The following SPAG16 variants were observed in gnomAD, a reference collection of about 807,000 sequenced individuals.
SPAG16 encodes sperm associated antigen 16.
In SPAG16, 86 loss-of-function variants were observed where a neutral mutation model predicts 80.4. That is an observed-to-expected ratio of 1.07 (90% CI 0.90 to 1.28). The LOEUF (loss-of-function observed/expected upper bound fraction) is 1.28. SPAG16 is among the 50% of genes most tolerant of loss of function. The pLI is 0.00. For missense variants in SPAG16, 870 were observed against 765.3 expected (o/e 1.14, Z -1.61); for synonymous variants, 294 against 265.9 (o/e 1.11, Z -1.03).
At chr2:213,312,765 A>T (rs1390986078) in intron 4 of SPAG16, among the ~76,000 whole-genome samples, 1 of 151,780 alleles carries the variant, frequency 6.6e-6, no homozygotes, top group Non-Finnish European at 1.5e-5. Flanking sequence ...AATTAAGAGT[A>T]TATTTCATTA....
In SPAG16 at chr2:213,677,916, G is replaced by A. The variant is rs559097666; in HGVS notation, c.1071-184569G>A. On this transcript the variant is annotated intron_variant, in intron 10 of 15. Transcript: ENST00000331683. ...AAAAGAACAGAAATTATAACAAACTGTCTCTCAGACCACAGTGCAATCAAA... is the reference window on the plus strand; with the variant it reads ...AAAAGAACAGAAATTATAACAAACTATCTCTCAGACCACAGTGCAATCAAA... 8.6e-3 allele frequency among the ~76,000 whole-genome samples: 1,299 copies of A among 151,904 alleles called. 9 individuals carry two copies. Among genetic ancestry groups the A allele is most frequent in the African/African-American group, 0.029 (1,185 of 41,382 alleles).
intron 14 of SPAG16, among the ~76,000 whole-genome samples, chr2:214,146,213 T>G (rs1336287892): frequency 6.6e-6 from 1 of 152,212 alleles, no homozygotes; most frequent in Admixed American, 6.5e-5. Context: ...TGTCAACTAA[T>G]CTCCTTCCCA....
chr2:214,166,962 C>T (rs1217743480), intron 15 of SPAG16, among the ~76,000 whole-genome samples: 45 of 152,144 alleles, frequency 3.0e-4, no homozygotes, highest in Non-Finnish European at 5.9e-5. Context: ...GGACCTCCCA[C>T]ATCTAACACT....
intron 10 of SPAG16, among the ~76,000 whole-genome samples, chr2:213,573,361 A>C (rs547996443): frequency 1.3e-5 from 2 of 152,346 alleles, no homozygotes; most frequent in Admixed American, 6.5e-5. Context: ...TCTCTGTGAT[A>C]ATTTTTGACA....
chr2:213,555,336 T>C (rs745569114), intron 10 of SPAG16, among the ~76,000 whole-genome samples: 3 of 152,140 alleles, frequency 2.0e-5, no homozygotes, highest in Admixed American at 6.6e-5. Flanking sequence ...AATTGGATCA[T>C]GGGGGCAGCT....
At chr2:213,379,167 C>G (rs980850763) in intron 9 of SPAG16, among the ~76,000 whole-genome samples, 1 of 152,168 alleles carries the variant, frequency 6.6e-6, no homozygotes. Context: ...GAACAGGAAG[C>G]AAGAATTTTG....
At chr2:214,299,495 G>C (rs573384495) in intron 15 of SPAG16, among the ~76,000 whole-genome samples, 1 of 151,974 alleles carries the variant, frequency 6.6e-6, no homozygotes, top group African/African-American at 2.4e-5. Context: ...TCATTCGCCT[G>C]CTTCAGCCTC....
At chr2:213,506,197 C>T (rs1272447339) in intron 10 of SPAG16, among the ~76,000 whole-genome samples, 1 of 151,900 alleles carries the variant, frequency 6.6e-6, no homozygotes, top group Admixed American at 6.6e-5. Flanking sequence ...GAAATAAGGA[C>T]AATAGATGAG....
chr2:213,500,860 C>T (rs111862599), intron 10 of SPAG16, among the ~76,000 whole-genome samples: 108 of 152,348 alleles, frequency 7.1e-4, no homozygotes, highest in Middle Eastern at 3.4e-3. Flanking sequence ...AGTGTCCAAA[C>T]AGCTCTAGCC....
intron 10 of SPAG16, among the ~76,000 whole-genome samples, chr2:213,547,986 T>C (rs929522376): frequency 6.6e-6 from 1 of 152,196 alleles, no homozygotes; most frequent in East Asian, 1.9e-4. Context: ...TTGGTACATA[T>C]CAGCCTTTTG....
In SPAG16 at chr2:213,550,308, C is replaced by T. The variant is rs146621498; in HGVS notation, c.1070+60218C>T. Among the ~76,000 whole-genome samples, 214 of 151,668 alleles carry T rather than the reference C, an allele frequency of 1.4e-3. 2 individuals are homozygous for T. Among genetic ancestry groups the T allele is most frequent in the African/African-American group, 4.6e-3 (190 of 41,394 alleles). Reference sequence around the variant, plus strand: ...TTCTATGGTTATTTATATTCAAAGTCCTAGTCTTCTTTCTATTATAGTCTG... The same window carrying T: ...TTCTATGGTTATTTATATTCAAAGTTCTAGTCTTCTTTCTATTATAGTCTG... On this transcript the variant is annotated intron_variant, in intron 10 of 15. Coordinates refer to ENST00000331683, the MANE Select transcript of SPAG16 (RefSeq NM_024532.5).
chr2:213,353,915 A>C (rs964272068), intron 7 of SPAG16, among the ~76,000 whole-genome samples: 1 of 152,100 alleles, frequency 6.6e-6, no homozygotes, highest in Admixed American at 6.5e-5. Flanking sequence ...TTATACTTTA[A>C]GTTCTAGGGT....
chr2:213,712,600 A>C (rs543939172), intron 10 of SPAG16, among the ~76,000 whole-genome samples: 1 of 152,230 alleles, frequency 6.6e-6, no homozygotes, highest in East Asian at 1.9e-4. Flanking sequence ...TGAAAGATAT[A>C]ATTTCATTGA....
intron 10 of SPAG16, among the ~76,000 whole-genome samples, chr2:213,856,853 G>T (rs2075194142): frequency 6.6e-6 from 1 of 151,158 alleles, no homozygotes; most frequent in African/African-American, 2.4e-5. Flanking sequence ...TAAAAGTATG[G>T]TGAAGCAACA....
chr2:214,331,035 T>C (rs1226034074), intron 15 of SPAG16, among the ~76,000 whole-genome samples: 1 of 152,204 alleles, frequency 6.6e-6, no homozygotes. Context: ...TCATTGATTC[T>C]CTTCTTAACT....
At chr2:214,318,102 G>A (rs1013626814) in intron 15 of SPAG16, among the ~76,000 whole-genome samples, 2 of 152,130 alleles carry the variant, frequency 1.3e-5, no homozygotes, top group Non-Finnish European at 2.9e-5. Context: ...CAGGATCCTG[G>A]ATTCATCAGC....
intron 11 of SPAG16, among the ~76,000 whole-genome samples, chr2:213,917,593 A>G (rs2106194184): frequency 6.6e-6 from 1 of 152,332 alleles, no homozygotes; most frequent in African/African-American, 2.4e-5. Flanking sequence ...GTTGGTATAT[A>G]GAAATGCTAG....
chr2:214,181,960 A>ACTCTT (rs2057321384), intron 15 of SPAG16, among the ~76,000 whole-genome samples: 1 of 151,606 alleles, frequency 6.6e-6, no homozygotes. Flanking sequence ...GCACACACAT[A>ACTCTT]CTCTTCATAC....
chr2:213,683,593 T>A, intron 10 of SPAG16, among the ~76,000 whole-genome samples: 1 of 152,158 alleles, frequency 6.6e-6, no homozygotes, highest in East Asian at 1.9e-4. Flanking sequence ...ACTATGTGAT[T>A]TGTTGAAATT....
Sources: allele counts gnomAD v4.1 joint callset (sites outside exome capture counted in the v4.1 genomes callset), GRCh38; gene constraint gnomAD v4.1.1; transcripts MANE v1.5; gene names NCBI Gene and HGNC (gene_info 2026-07-23, HGNC 2026-07-21).